The following VAV3 variants were observed in gnomAD, a reference collection of about 807,000 sequenced individuals.
VAV3 encodes vav guanine nucleotide exchange factor 3, also known as guanine nucleotide exchange factor VAV3.
In VAV3, 94 loss-of-function variants were observed where a neutral mutation model predicts 131.2. The observed-to-expected ratio is 0.72, with a 90% confidence interval of 0.61 to 0.85. The LOEUF is 0.85. Ranked by LOEUF, VAV3 falls within the 40% of genes least tolerant of loss-of-function variation. VAV3 has a pLI of 0.00. For synonymous variants in VAV3, 349 were observed against 342.0 expected (o/e 1.02, Z -0.22); for missense variants, 939 against 1,002.7 (o/e 0.94, Z 0.86).
intron 22 of VAV3, among the ~76,000 whole-genome samples, chr1:107,608,570 C>T (rs1261389784): frequency 6.6e-6 from 1 of 152,100 alleles, no homozygotes; most frequent in African/African-American, 2.4e-5. Flanking sequence ...ACAAACCTGC[C>T]ACAATTTCTT....
chr1:107,631,455 T>C, intron 20 of VAV3, among the ~76,000 whole-genome samples: 1 of 144,364 alleles, frequency 6.9e-6, no homozygotes, highest in African/African-American at 2.5e-5. Flanking sequence ...TCCACTCTAG[T>C]ATACTTTCTC....
At chr1:107,884,408 A>T (rs1233802768) in intron 1 of VAV3, among the ~76,000 whole-genome samples, 50 of 544 alleles carry the variant, frequency 0.092, no homozygotes, top group African/African-American at 0.23. Flanking sequence ...TAAATTATTT[A>T]TTATTATTAT....
chr1:107,653,959 T>G (rs1461508421), intron 19 of VAV3, among the ~76,000 whole-genome samples: 1 of 152,092 alleles, frequency 6.6e-6, no homozygotes, highest in Non-Finnish European at 1.5e-5. Flanking sequence ...TCTTTTGAAG[T>G]AGTACTGTTC....
At chr1:107,641,612 C>G (rs1219945578) in intron 20 of VAV3, among the ~76,000 whole-genome samples, 1 of 152,178 alleles carries the variant, frequency 6.6e-6, no homozygotes, top group East Asian at 1.9e-4. Flanking sequence ...AACATGCTCA[C>G]TTACTTTTCA....
At position 107,662,117 on chromosome 1, in the gene VAV3, G is replaced by A. The variant is rs568126846; in HGVS notation, c.1778-19362C>T. On this transcript the variant is annotated intron_variant, in intron 19 of 26. Transcript: ENST00000370056. ...TGAAAACTAGAGCACTGTATTTAAAGAGGCTGTGTTATTTTTAAAAAATGA... is the reference window on the plus strand; with the variant it reads ...TGAAAACTAGAGCACTGTATTTAAAAAGGCTGTGTTATTTTTAAAAAATGA... Among the ~76,000 whole-genome samples the A allele has an allele frequency of 3.9e-4, 60 of 152,258 alleles. No homozygotes were observed. The South Asian group carries it at 0.012, about 30-fold the overall frequency.
intron 2 of VAV3, among the ~76,000 whole-genome samples, chr1:107,821,658 G>T (rs984724109): frequency 3.9e-5 from 6 of 152,210 alleles, no homozygotes; most frequent in Non-Finnish European, 8.8e-5. Context: ...GCCAGGACAT[G>T]CATGGAAAAG....
intron 17 of VAV3, 59 bp from the exon 18 acceptor site, chr1:107,688,465 C>A (rs764740134): frequency 6.2e-7 from 1 of 1,608,288 alleles, no homozygotes; most frequent in Non-Finnish European, 8.5e-7. Flanking sequence ...TGGTTAGCAA[C>A]CTTAGCTTTC....
intron 1 of VAV3, among the ~76,000 whole-genome samples, chr1:107,903,294 C>T (rs1671957158): frequency 6.6e-6 from 1 of 152,110 alleles, no homozygotes; most frequent in Non-Finnish European, 1.5e-5. Flanking sequence ...ACATTTGATC[C>T]AAGTAGACCA....
intron 2 of VAV3, among the ~76,000 whole-genome samples, chr1:107,866,765 T>C (rs113290400): frequency 5.4e-4 from 77 of 142,248 alleles, no homozygotes; most frequent in African/African-American, 5.9e-4. Context: ...GGAGGCTGCA[T>C]TGAGCCGAGA....
At chr1:107,591,772 T>C (rs924017180) in intron 25 of VAV3, among the ~76,000 whole-genome samples, 1 of 152,296 alleles carries the variant, frequency 6.6e-6, no homozygotes, top group East Asian at 1.9e-4. Context: ...TATCAATCTA[T>C]GTATTTTTCC....
At position 107,718,215 on chromosome 1, in the gene VAV3, A is replaced by G. The variant is rs543271283; in HGVS notation, c.1503-13154T>C. Among the ~76,000 whole-genome samples, 1,366 of 152,162 alleles carry G rather than the reference A, an allele frequency of 9.0e-3. 24 individuals carry two copies. The highest frequency in any genetic ancestry group is 0.032 in the African/African-American group (1,309 of 41,502). On this transcript the variant is annotated intron_variant, in intron 15 of 26. Coordinates refer to ENST00000370056, the MANE Select transcript of VAV3 (RefSeq NM_006113.5). The stretch of plus-strand genomic sequence containing the variant: ...TTGGAAGTTCTGGCCAGGGCAATCA[A>G]GCAAGAGAAAGAAATAAAGGGTATT...
At chr1:107,831,402 G>A (rs768101346) in intron 2 of VAV3, among the ~76,000 whole-genome samples, 3 of 152,142 alleles carry the variant, frequency 2.0e-5, no homozygotes, top group African/African-American at 4.8e-5. Flanking sequence ...AATGCAAAAT[G>A]AGCAAAGATA....
chr1:107,952,069 C>T (rs2101344853), intron 1 of VAV3, among the ~76,000 whole-genome samples: 1 of 152,246 alleles, frequency 6.6e-6, no homozygotes, highest in Non-Finnish European at 1.5e-5. Context: ...TGGAATCAAC[C>T]TAAATGTCCA....
intron 1 of VAV3, among the ~76,000 whole-genome samples, chr1:107,889,685 C>T (rs1671223519): frequency 6.6e-6 from 1 of 152,178 alleles, no homozygotes; most frequent in Non-Finnish European, 1.5e-5. Context: ...TAAATAACTA[C>T]TGAAGAAATA....
At chr1:107,947,926 C>T (rs1266650898) in intron 1 of VAV3, among the ~76,000 whole-genome samples, 6 of 152,164 alleles carry the variant, frequency 3.9e-5, no homozygotes, top group African/African-American at 1.4e-4. Context: ...ATGGAACTCA[C>T]AACCTAGGAG....
At chr1:107,879,049 A>G (rs1266420453) in intron 1 of VAV3, among the ~76,000 whole-genome samples, 1 of 151,802 alleles carries the variant, frequency 6.6e-6, no homozygotes, top group Non-Finnish European at 1.5e-5. Flanking sequence ...TAATGCTCAT[A>G]TTGTCCCACG....
At chr1:107,913,230 GA>G (rs1212752484) in intron 1 of VAV3, among the ~76,000 whole-genome samples, 1 of 152,118 alleles carries the variant, frequency 6.6e-6, no homozygotes, top group African/African-American at 2.4e-5. Context: ...AAAAGCAAAG[GA>G]AATGTTTAAG....
At chr1:107,770,287 C>A (rs969661320) in intron 6 of VAV3, among the ~76,000 whole-genome samples, 9 of 152,214 alleles carry the variant, frequency 5.9e-5, no homozygotes, top group Middle Eastern at 3.4e-3. Flanking sequence ...AGCCCTCCCC[C>A]CCCATCACTC....
At chr1:107,688,146 TTGATTAAATATTCAC>T (rs1458739143) in intron 18 of VAV3, among the ~76,000 whole-genome samples, 2 of 152,206 alleles carry the variant, frequency 1.3e-5, no homozygotes, top group South Asian at 2.1e-4. Flanking sequence ...TACACAGTCT[TTGATTAAATATTCAC>T]ATTTTTTCTC....
Sources: allele counts gnomAD v4.1 joint callset (sites outside exome capture counted in the v4.1 genomes callset), GRCh38; gene constraint gnomAD v4.1.1; transcripts MANE v1.5; gene names NCBI Gene and HGNC (gene_info 2026-07-23, HGNC 2026-07-21).